The following GSE1 variants were observed in gnomAD, a reference collection of about 807,000 sequenced individuals.
GSE1 encodes the protein Gse1 coiled-coil protein.
In GSE1, 32 loss-of-function variants were observed where a neutral mutation model predicts 112.6. That is an observed-to-expected ratio of 0.28 (90% CI 0.21 to 0.38). The LOEUF (loss-of-function observed/expected upper bound fraction) is 0.38. Among genes scored for constraint, GSE1 ranks in the 10% least tolerant of loss-of-function variants. The probability of loss-of-function intolerance (pLI) is 1.00; values close to 1 mark genes in which losing one functional copy is unlikely to be tolerated. For missense variants in GSE1, 2,348 were observed against 1,699.2 expected (o/e 1.38, Z -6.71); for synonymous variants, 1,115 against 735.6 (o/e 1.52, Z -8.35).
At position 85,666,244 on chromosome 16, in the gene GSE1, T is replaced by G; in HGVS notation, c.3027T>G (p.Asn1009Lys). 6.2e-7 allele frequency: 1 copy of G among 1,613,746 alleles called. No homozygotes were observed. The highest frequency in any genetic ancestry group is 2.2e-5 in the East Asian group (1 of 44,886). Residue 1009 changes from asparagine to lysine, a missense_variant, in exon 13 of 16, where the codon AAT becomes AAG. Coordinates refer to ENST00000253458, the MANE Select transcript of GSE1 (RefSeq NM_014615.5). Reference protein sequence around the residue: ...DIPVPLSHSTNGKSKPWEPFV... With the variant: ...DIPVPLSHSTKGKSKPWEPFV... ...CTGTGCCGCTGTCCCACAGCACCAA[T>G]GGGAAGAGCAAGCCGTGGGAGCCCT...
intron 1 of GSE1, among the ~76,000 whole-genome samples, chr16:85,566,587 C>T (rs1451149846): frequency 6.6e-6 from 1 of 152,220 alleles, no homozygotes; most frequent in African/African-American, 2.4e-5. Flanking sequence ...ACTTCAGTGT[C>T]ACCCTTAGTG....
intron 2 of GSE1, among the ~76,000 whole-genome samples, chr16:85,519,743 TCAGC>T (rs2052115125): frequency 1.3e-5 from 1 of 76,940 alleles, no homozygotes; most frequent in African/African-American, 5.1e-5. Flanking sequence ...ATCACCACCA[TCAGC>T]ATCACCATCA....
At chr16:85,170,079 C>T (rs1299380076) in exon 1 of GSE1, 2 of 984,894 alleles carry the variant, frequency 2.0e-6, no homozygotes, top group Middle Eastern at 5.2e-4. Context: ...TTTCCGAGCC[C>T]GACCCGCCCG....
chr16:85,357,220 C>T (rs1275353366), intron 1 of GSE1, among the ~76,000 whole-genome samples: 1 of 152,164 alleles, frequency 6.6e-6, no homozygotes, highest in Non-Finnish European at 1.5e-5. Context: ...GTGGGTGGGA[C>T]CCCAGCAGCA....
At chr16:85,170,161 T>G in exon 1 of GSE1, 1 of 983,102 alleles carries the variant, frequency 1.0e-6, no homozygotes, top group East Asian at 1.2e-4. Flanking sequence ...CGGCCAGGAG[T>G]GGAGGCCGGC....
intron 1 of GSE1, chr16:85,595,785 C>T (rs2047195063): frequency 6.7e-6 from 1 of 149,736 alleles, no homozygotes; most frequent in South Asian, 2.2e-4. Context: ...TCCATCCATC[C>T]CTCTATCCAT....
At chr16:85,420,322 T>C (rs1053750634) in intron 2 of GSE1, among the ~76,000 whole-genome samples, 1 of 152,108 alleles carries the variant, frequency 6.6e-6, no homozygotes, top group Non-Finnish European at 1.5e-5. Flanking sequence ...ACACCTTGAT[T>C]TCCAACTTTG....
At chr16:85,426,250 G>A (rs146259285) in intron 2 of GSE1, among the ~76,000 whole-genome samples, 159 of 149,162 alleles carry the variant, frequency 1.1e-3, no homozygotes, top group East Asian at 7.4e-3. Flanking sequence ...AATGTGGATG[G>A]ATGGATGAGT....
intron 2 of GSE1, chr16:85,359,339 C>T: frequency 2.2e-6 from 1 of 453,958 alleles, no homozygotes; most frequent in South Asian, 1.6e-5. Context: ...TTCTCTCCCA[C>T]AGCTTTGGGC....
intron 1 of GSE1, among the ~76,000 whole-genome samples, chr16:85,279,694 G>A (rs1315803081): frequency 2.6e-5 from 4 of 152,152 alleles, no homozygotes; most frequent in Admixed American, 1.3e-4. Context: ...GTGCTGCCCG[G>A]CCTGCTCCAT....
Position 85,419,278 on chromosome 16 carries a change from A to G in GSE1, c.2464+61635A>G, listed in dbSNP as rs1367659829. Among the ~76,000 whole-genome samples the G allele has an allele frequency of 2.6e-5, 4 of 152,178 alleles. No homozygotes were observed. The highest frequency in any genetic ancestry group is 6.5e-5 in the Admixed American group (1 of 15,278). On this transcript the variant is annotated intron_variant, in intron 2 of 2. Coordinates refer to the GSE1 transcript ENST00000637419. This position sits in a 1 kb window ranked among gnomAD's most constrained non-coding sequence, Gnocchi z 6.5. ...CACCTCATAGAGGGCGCTAGAGGCC[A>G]CCTCAGGAGGCAACATTTAGAGTCG...
chr16:85,630,209 G>A (rs1225351638), intron 1 of GSE1, among the ~76,000 whole-genome samples: 3 of 152,220 alleles, frequency 2.0e-5, no homozygotes, highest in Admixed American at 1.3e-4. Context: ...CAGGAAGGAG[G>A]TGATCTTACC....
exon 2 of GSE1, chr16:85,357,608 G>C: frequency 4.7e-6 from 6 of 1,289,078 alleles, no homozygotes; most frequent in Non-Finnish European, 6.1e-6. Flanking sequence ...CTGCAGAGCA[G>C]CCGGGAGGAG....
At chr16:85,617,928 G>A (rs1235936949) in intron 1 of GSE1, among the ~76,000 whole-genome samples, 2 of 152,134 alleles carry the variant, frequency 1.3e-5, no homozygotes, top group Non-Finnish European at 2.9e-5. Context: ...CCCGCAGGAC[G>A]GCGTGGCACC....
intron 2 of GSE1, among the ~76,000 whole-genome samples, chr16:85,547,240 T>A (rs1445391215): frequency 1.3e-5 from 2 of 152,024 alleles, no homozygotes; most frequent in Non-Finnish European, 2.9e-5. Flanking sequence ...ATGTATTAGC[T>A]TCCTGTGGCT....
chr16:85,506,337 G>C, intron 2 of GSE1, among the ~76,000 whole-genome samples: 1 of 152,250 alleles, frequency 6.6e-6, no homozygotes, highest in African/African-American at 2.4e-5. Flanking sequence ...TGTGGCTACC[G>C]TATGGATGGC....
At chr16:85,613,219 TCGG>T (rs1425468762), upstream of GSE1, 22 of 1,493,486 alleles carry the variant, frequency 1.5e-5, no homozygotes, top group Non-Finnish European at 1.9e-5. Flanking sequence ...GGGTGTGTCC[TCGG>T]CGGCGACAGC....
intron 1 of GSE1, among the ~76,000 whole-genome samples, chr16:85,618,654 C>A (rs1224692275): frequency 6.6e-6 from 1 of 152,222 alleles, no homozygotes; most frequent in Non-Finnish European, 1.5e-5. Context: ...TGCGGCTACT[C>A]CTGTTGCTGT....
chr16:85,358,184 G>T (rs2046992567), intron 2 of GSE1, among the ~76,000 whole-genome samples: 1 of 152,152 alleles, frequency 6.6e-6, no homozygotes, highest in African/African-American at 2.4e-5. Context: ...CACATCCTAA[G>T]GGCTTCTGCA....
Sources: allele counts gnomAD v4.1 joint callset (sites outside exome capture counted in the v4.1 genomes callset), GRCh38; gene constraint gnomAD v4.1.1; non-coding constraint Gnocchi (gnomAD v3.1); transcripts MANE v1.5; gene names NCBI Gene and HGNC (gene_info 2026-07-23, HGNC 2026-07-21).